MORN2: variants seen among roughly 807,000 people sequenced by gnomAD.
MORN2 encodes the protein MORN repeat containing 2.
In MORN2, 15 loss-of-function variants were observed where a neutral mutation model predicts 13.4. That is an observed-to-expected ratio of 1.12 (90% CI 0.75 to 1.72). The LOEUF is 1.72. MORN2 is among the 40% of genes most tolerant of loss of function. The pLI is 0.00. For missense variants in MORN2, 168 were observed against 134.6 expected (o/e 1.25, Z -1.23); for synonymous variants, 46 against 43.6 (o/e 1.06, Z -0.22).
chr2:38,880,619 A>G lies in MORN2; in HGVS notation c.129A>G (p.Thr43=). 16 of 1,540,940 alleles carry G rather than the reference A, an allele frequency of 1.0e-5. No homozygotes were observed. The highest frequency in any genetic ancestry group is 1.4e-5 in the Non-Finnish European group (16 of 1,142,832). The change falls in exon 3 of 5, where the codon ACA becomes ACG. Residue 43 remains threonine, a synonymous_variant. Coordinates refer to ENST00000644631, the MANE Select transcript of MORN2 (RefSeq NM_001145450.3). ...GTTTAGATGGTGACTGTACAAGAAC[A>G]TCTTCTGGAATCTACGAGAGAAATG...
chr2:38,882,220 GTT>G (rs772520161), intron 4 of MORN2, among the ~76,000 whole-genome samples, 191 bp from the exon 5 acceptor site: 11 of 107,672 alleles, frequency 1.0e-4, no homozygotes, highest in East Asian at 2.6e-4. Context: ...ATAGTATGTG[GTT>G]TTTTTTTTTT....
chr2:38,881,111 C>G (rs569099410), intron 3 of MORN2, among the ~76,000 whole-genome samples: 1 of 152,274 alleles, frequency 6.6e-6, no homozygotes, highest in South Asian at 2.1e-4. Context: ...TTAACAACTA[C>G]TTTGTACTGG....
rs547249212 is a variant in MORN2, at chr2:38,877,708, T to C, written c.58+1598T>C. Among the ~76,000 whole-genome samples, 27 of 152,236 alleles carry C rather than the reference T, an allele frequency of 1.8e-4. 1 individual carries two copies. In the East Asian group the frequency reaches 4.8e-3, roughly 27 times the overall value. On this transcript the variant is annotated intron_variant, in intron 1 of 4. Coordinates refer to ENST00000644631, the MANE Select transcript of MORN2 (RefSeq NM_001145450.3). ...GTTGCCCAGGCTGGTCTCAAACTCC[T>C]GGGCTCAAGCAGTCCTCCCACCTCA...
rs913585384 is a variant in MORN2 at position 38,880,745 on chromosome 2, A to G, written c.216+39A>G. On this transcript the variant is annotated intron_variant, in intron 3 of 4. Transcript: ENST00000644631. ...TTTTAATATTGGCAGTGGATAAATA[A>G]CCCTGTAGGTTTAGTGATTCCAGGC... is the stretch of plus-strand genomic sequence containing the variant. 2.6e-6 allele frequency: 4 copies of G among 1,547,172 alleles called. No homozygotes were observed. The Admixed American group carries it at 5.9e-5, about 23-fold the overall frequency.
intron 1 of MORN2, among the ~76,000 whole-genome samples, chr2:38,879,474 C>G (rs1371668924): frequency 1.3e-5 from 2 of 152,132 alleles, no homozygotes; most frequent in African/African-American, 4.8e-5. Flanking sequence ...GAATGAAGTA[C>G]TGATACACGA....
chr2:38,881,833 T>G (rs1300175020), intron 4 of MORN2, among the ~76,000 whole-genome samples: 1 of 152,150 alleles, frequency 6.6e-6, no homozygotes, highest in Non-Finnish European at 1.5e-5. Flanking sequence ...GTATTTTCAG[T>G]AGGGACGGGG....
chr2:38,881,655 T>C, intron 4 of MORN2, 77 bp downstream of exon 4: 1 of 1,120,094 alleles, frequency 8.9e-7, no homozygotes, highest in Non-Finnish European at 1.2e-6. Flanking sequence ...TACTTATTTA[T>C]TTATTTATTT....
At chr2:38,881,960 C>T (rs1049420665) in intron 4 of MORN2, among the ~76,000 whole-genome samples, 12 of 152,226 alleles carry the variant, frequency 7.9e-5, no homozygotes, top group African/African-American at 2.9e-4. Context: ...TGCTTAAATA[C>T]TATATTTAGT....
chr2:38,877,295 A>G (rs1022596562), intron 1 of MORN2, among the ~76,000 whole-genome samples: 11 of 151,542 alleles, frequency 7.3e-5, no homozygotes, highest in Admixed American at 7.2e-4. Flanking sequence ...AATAAATTAA[A>G]TTAAATTAAA....
rs948890260 is a variant in MORN2 at position 38,881,378 on chromosome 2, T to G, written c.217-64T>G. The G allele has an allele frequency of 2.1e-6, 3 of 1,423,602 alleles. No homozygotes were observed. In the South Asian group the frequency reaches 4.2e-5, roughly 20 times the overall value. 88.2% of individuals were successfully genotyped at this position (1,423,602 alleles called of 1,614,324 possible). On this transcript the variant is annotated intron_variant, in intron 3 of 4. Transcript: ENST00000644631. Reference sequence around the variant, plus strand: ...CAGATGATAGACTTATATTTGTACATTTTTTAAAGGTTCTTGGGAAACTGA... The same window carrying G: ...CAGATGATAGACTTATATTTGTACAGTTTTTAAAGGTTCTTGGGAAACTGA...
At chr2:38,879,709 A>T (rs1317076140) in intron 1 of MORN2, among the ~76,000 whole-genome samples, 1 of 152,184 alleles carries the variant, frequency 6.6e-6, no homozygotes, top group Non-Finnish European at 1.5e-5. Flanking sequence ...GGGATGATTA[A>T]AATATTCTAA....
chr2:38,876,827 T>C (rs970499877), intron 1 of MORN2, among the ~76,000 whole-genome samples: 4 of 152,246 alleles, frequency 2.6e-5, no homozygotes, highest in Non-Finnish European at 5.9e-5. Flanking sequence ...CTAAGTGCTT[T>C]AACTAGATTA....
intron 1 of MORN2, 139 bp downstream of exon 1, chr2:38,876,249 G>A (rs1461457359): frequency 2.5e-6 from 1 of 395,574 alleles, no homozygotes; most frequent in East Asian, 3.6e-5. Context: ...CGAGGGGCAC[G>A]GGGGAACCCC....
At chr2:38,879,668 G>A (rs1665732866) in intron 1 of MORN2, among the ~76,000 whole-genome samples, 1 of 152,086 alleles carries the variant, frequency 6.6e-6, no homozygotes, top group Non-Finnish European at 1.5e-5. Context: ...ATCATAATGG[G>A]TAACTGCTAA....
At chr2:38,877,862 A>T (rs990911750) in intron 1 of MORN2, among the ~76,000 whole-genome samples, 1 of 151,962 alleles carries the variant, frequency 6.6e-6, no homozygotes, top group Non-Finnish European at 1.5e-5. Context: ...GCAGGGTGTG[A>T]TCGGACTCAC....
At chr2:38,876,392 G>T (rs998008910) in intron 1 of MORN2, among the ~76,000 whole-genome samples, 1 of 152,230 alleles carries the variant, frequency 6.6e-6, no homozygotes, top group African/African-American at 2.4e-5. Context: ...TAGCTCTGAC[G>T]TTCCCAAGTT....
In MORN2 at chr2:38,880,599, G is replaced by T; in HGVS notation, c.110-1G>T. On this transcript the variant is annotated splice_acceptor_variant, in intron 2 of 4. Transcript: ENST00000644631. LOFTEE classifies it high-confidence loss of function. ...ATCTTCAGTTTTTCTCCTCTGTTTA[G>T]ATGGTGACTGTACAAGAACATCTTC... The T allele has an allele frequency of 1.3e-6, 2 of 1,522,386 alleles. No individual in the cohort carries two copies. Among genetic ancestry groups the T allele is most frequent in the Non-Finnish European group, 1.8e-6 (2 of 1,130,328 alleles). The allele number at this position is 1,522,386 out of a possible 1,614,324, so 94.3% of individuals were successfully genotyped here. A position where few individuals can be genotyped will look rare whatever the true frequency, so the allele number is the denominator to read the frequency against.
At chr2:38,877,514 T>A (rs1665673602) in intron 1 of MORN2, among the ~76,000 whole-genome samples, 2 of 152,082 alleles carry the variant, frequency 1.3e-5, no homozygotes, top group Admixed American at 1.3e-4. Context: ...TTTCTAAGAT[T>A]TAGTGTTAAT....
At chr2:38,877,549 C>T (rs761126341) in intron 1 of MORN2, among the ~76,000 whole-genome samples, 30 of 152,056 alleles carry the variant, frequency 2.0e-4, no homozygotes, top group Non-Finnish European at 3.7e-4. Flanking sequence ...AACCCCTAAA[C>T]GAGATCAGAA....
Sources: allele counts gnomAD v4.1 joint callset (sites outside exome capture counted in the v4.1 genomes callset), GRCh38; gene constraint gnomAD v4.1.1; transcripts MANE v1.5; gene names NCBI Gene and HGNC (gene_info 2026-07-23, HGNC 2026-07-21).